Variants in CAST observed in about 807,000 individuals in gnomAD.
CAST encodes the protein MIR583 host.
A neutral mutation model predicts 119.6 loss-of-function variants in CAST; 76 were observed. The ratio of observed to expected loss-of-function variants is 0.64; its 90% CI spans 0.53 to 0.77. CAST has a LOEUF of 0.77. CAST is among the 30% of genes least tolerant of loss of function. The pLI is 0.00. For missense variants in CAST, 953 were observed against 946.5 expected (o/e 1.01, Z -0.09); for synonymous variants, 319 against 331.6 (o/e 0.96, Z 0.41).
At chr5:96,694,535 G>A (rs1050564911) in intron 2 of CAST, among the ~76,000 whole-genome samples, 4 of 152,178 alleles carry the variant, frequency 2.6e-5, no homozygotes, top group Non-Finnish European at 4.4e-5. Flanking sequence ...GGAGGCTGAG[G>A]CAGGAGAATT....
chr5:96,326,746 G>A, the CAST span, among the ~76,000 whole-genome samples: 3 of 130,086 alleles, frequency 2.3e-5, no homozygotes, highest in Middle Eastern at 4.9e-3. Context: ...GCATTATCTG[G>A]CACACAGCAG....
chr5:96,523,715 C>T (rs1025932182), upstream of CAST, among the ~76,000 whole-genome samples: 1 of 152,240 alleles, frequency 6.6e-6, no homozygotes, highest in Admixed American at 6.5e-5. Context: ...CCACATTCAA[C>T]ATGCAGTGTC....
chr5:96,384,890 A>C, the CAST span, among the ~76,000 whole-genome samples: 1 of 152,186 alleles, frequency 6.6e-6, no homozygotes, highest in African/African-American at 2.4e-5. Flanking sequence ...ACAGTGAAAA[A>C]ATGCAAAAAA....
At chr5:96,042,597 A>G in the CAST span, among the ~76,000 whole-genome samples, 2 of 152,156 alleles carry the variant, frequency 1.3e-5, no homozygotes, top group Non-Finnish European at 2.9e-5. Flanking sequence ...AAAAAGTTAA[A>G]TCTTTTTAGT....
chr5:96,740,647 G>A (rs987873221), intron 12 of CAST, 98 bp from the exon 13 acceptor site: 1 of 818,258 alleles, frequency 1.2e-6, no homozygotes, highest in Non-Finnish European at 2.1e-6. Flanking sequence ...TAGATCTGGG[G>A]TGGGAGGCAC....
the CAST span, among the ~76,000 whole-genome samples, chr5:96,167,476 C>T: frequency 1.3e-5 from 2 of 152,100 alleles, no homozygotes; most frequent in Non-Finnish European, 2.9e-5. Context: ...ATGGGCTGTA[C>T]CCTGTAGCAT....
chr5:96,304,201 T>A, the CAST span, among the ~76,000 whole-genome samples: 4 of 152,240 alleles, frequency 2.6e-5, no homozygotes, highest in Admixed American at 2.0e-4. Context: ...TAATGACAAG[T>A]GATGATGAGC....
chr5:96,246,018 G>A, the CAST span, among the ~76,000 whole-genome samples: 3 of 152,020 alleles, frequency 2.0e-5, no homozygotes, highest in East Asian at 5.8e-4. Flanking sequence ...GAAGGTAGAG[G>A]TAGTTGAACT....
chr5:96,668,615 G>T (rs1749650598), intron 1 of CAST, among the ~76,000 whole-genome samples: 1 of 152,132 alleles, frequency 6.6e-6, no homozygotes, highest in African/African-American at 2.4e-5. Flanking sequence ...CAGCCCCTGG[G>T]ATAGATACCA....
chr5:96,468,012 G>A, the CAST span, among the ~76,000 whole-genome samples: 3,915 of 151,956 alleles, frequency 0.026, 194 homozygotes, highest in African/African-American at 0.09. Context: ...TGAGTGGATA[G>A]AGAAAAGTTG....
chr5:96,142,781 A>G, the CAST span, among the ~76,000 whole-genome samples: 3 of 152,210 alleles, frequency 2.0e-5, no homozygotes, highest in Non-Finnish European at 4.4e-5. Context: ...AATAAACATG[A>G]TTTGTGTGAG....
the CAST span, among the ~76,000 whole-genome samples, chr5:96,329,804 C>A: frequency 6.6e-6 from 1 of 152,346 alleles, no homozygotes; most frequent in South Asian, 2.1e-4. Flanking sequence ...ATTTCTCCCT[C>A]ACTATCAGAT....
the CAST span, among the ~76,000 whole-genome samples, chr5:96,246,996 A>G: frequency 6.6e-6 from 1 of 152,194 alleles, no homozygotes; most frequent in African/African-American, 2.4e-5. Context: ...GATTACAAAT[A>G]TGGTTTATTT....
At chr5:96,283,205 A>G in the CAST span, among the ~76,000 whole-genome samples, 1 of 152,068 alleles carries the variant, frequency 6.6e-6, no homozygotes, top group African/African-American at 2.4e-5. Flanking sequence ...TCTAGGGGGT[A>G]GGGACTGGGC....
chr5:96,404,591 T>A, the CAST span, among the ~76,000 whole-genome samples: 1 of 152,118 alleles, frequency 6.6e-6, no homozygotes, highest in African/African-American at 2.4e-5. Flanking sequence ...TATAAGAAAC[T>A]CATAAATGCA....
chr5:96,474,516 G>C, the CAST span, among the ~76,000 whole-genome samples: 6 of 152,256 alleles, frequency 3.9e-5, no homozygotes, highest in East Asian at 1.9e-4. Flanking sequence ...TATTACTTCT[G>C]ACATAAAATG....
chr5:96,385,249 A>C, the CAST span, among the ~76,000 whole-genome samples: 1 of 152,218 alleles, frequency 6.6e-6, no homozygotes, highest in Non-Finnish European at 1.5e-5. Context: ...TCAAGGAGTG[A>C]TGATTGACAA....
the CAST span, among the ~76,000 whole-genome samples, chr5:96,467,272 A>C: frequency 1.3e-5 from 2 of 151,930 alleles, no homozygotes; most frequent in African/African-American, 4.8e-5. Context: ...ATACTCTATT[A>C]GTATATAAGT....
At chr5:96,353,562 G>A in the CAST span, among the ~76,000 whole-genome samples, 1 of 151,940 alleles carries the variant, frequency 6.6e-6, no homozygotes, top group Non-Finnish European at 1.5e-5. Context: ...CTTCACCAAT[G>A]TGAGTGTGCA....
Sources: gnomAD v4.1 joint callset for allele counts (sites outside exome capture counted in the v4.1 genomes callset) on GRCh38, gnomAD v4.1.1 for gene constraint, MANE v1.5 for transcripts, NCBI Gene and HGNC (gene_info 2026-07-23, HGNC 2026-07-21) for gene names.